CC2D2A: variants seen among roughly 807,000 people sequenced by gnomAD.
CC2D2A encodes the protein coiled-coil and C2 domain containing 2A.
CC2D2A carries 155 observed loss-of-function variants against 212.9 expected under a neutral mutation model. That is an observed-to-expected ratio of 0.73 (90% CI 0.64 to 0.83). The LOEUF (loss-of-function observed/expected upper bound fraction) is 0.83, where lower values mean the gene tolerates loss of function less well. Ranked by LOEUF, CC2D2A falls within the 40% of genes least tolerant of loss-of-function variation. The pLI, the probability that CC2D2A is intolerant of heterozygous loss-of-function variation, is 0.00. For synonymous variants in CC2D2A, 667 were observed against 686.5 expected (o/e 0.97, Z 0.44); for missense variants, 1,856 against 1,956.2 (o/e 0.95, Z 0.97).
chr4:15,588,154 C>T (rs547775140), intron 32 of CC2D2A, among the ~76,000 whole-genome samples: 4 of 152,124 alleles, frequency 2.6e-5, no homozygotes, highest in Non-Finnish European at 5.9e-5. Flanking sequence ...TTTTGGCAAA[C>T]CCGAACCCTT....
intron 16 of CC2D2A, among the ~76,000 whole-genome samples, chr4:15,538,984 A>C (rs1363719524): frequency 6.6e-6 from 1 of 152,082 alleles, no homozygotes; most frequent in East Asian, 1.9e-4. Context: ...GGATCGCTTG[A>C]GGCCAGGAGT....
rs148134130 is a variant in CC2D2A, at chr4:15,554,948, T to C, written c.2487-124T>C. 59 of 931,780 alleles carry C rather than the reference T, an allele frequency of 6.3e-5. No homozygotes were observed. The African/African-American group carries it at 8.9e-4, about 14-fold the overall frequency. 57.7% of individuals were successfully genotyped at this position (931,780 alleles called of 1,614,324 possible). On this transcript the variant is annotated intron_variant, in intron 19 of 36. Coordinates refer to ENST00000424120, the MANE Select transcript of CC2D2A (RefSeq NM_001378615.1). ...AGAAAAATGACAAAATCCTTCCTTA[T>C]GATAACATTTTCTCTCATGGAGGAT...
intron 27 of CC2D2A, 98 bp from the exon 28 acceptor site, chr4:15,570,300 A>C: frequency 1.4e-6 from 1 of 693,358 alleles, no homozygotes; most frequent in Non-Finnish European, 2.5e-6. Flanking sequence ...ATAAGTTCAT[A>C]TGCTTTCAGC....
rs1720843491 is a variant in CC2D2A at position 15,586,056 on chromosome 4, T to C, written c.3976-101T>C. On this transcript the variant is annotated intron_variant, in intron 30 of 36. Coordinates refer to ENST00000424120, the MANE Select transcript of CC2D2A (RefSeq NM_001378615.1). ...GTGAGCATTAGTTTCATTTTGTACA[T>C]GTAAATGTTTGTAATATTTGAGATT... is the stretch of plus-strand genomic sequence containing the variant. 1.8e-5 allele frequency: 14 copies of C among 773,952 alleles called. No homozygotes were observed. The South Asian group carries it at 2.1e-4, about 12-fold the overall frequency. 47.9% of individuals were successfully genotyped at this position (773,952 alleles called of 1,614,324 possible).
intron 17 of CC2D2A, among the ~76,000 whole-genome samples, chr4:15,549,843 T>C (rs890003338): frequency 5.9e-5 from 9 of 152,072 alleles, no homozygotes; most frequent in African/African-American, 1.7e-4. Context: ...TAAGGGAGGG[T>C]TGGCGGAAAG....
chr4:15,487,154 T>C (rs764096343), intron 4 of CC2D2A, among the ~76,000 whole-genome samples: 2 of 152,010 alleles, frequency 1.3e-5, no homozygotes, highest in African/African-American at 4.8e-5. Context: ...AATCTGTTAG[T>C]TTCATTTGTT....
rs1456067723 is a variant in CC2D2A at position 15,596,118 on chromosome 4, C to T, written c.4348C>T (p.Leu1450=). The T allele has an allele frequency of 1.9e-6, 3 of 1,549,488 alleles. No individual in the cohort carries two copies. Among genetic ancestry groups the T allele is most frequent in the African/African-American group, 1.4e-5 (1 of 73,080 alleles). ...WFNIQRYESP[L]RINFDVTRPK... Reference sequence around the variant, plus strand: ...TAATATTCAACGATATGAATCTCCACTAAGGATAAATTTTGATGTCACCAG... The same window carrying T: ...TAATATTCAACGATATGAATCTCCATTAAGGATAAATTTTGATGTCACCAG... The change falls in exon 34 of 37, where the codon CTA becomes TTA. Residue 1450 remains leucine (L), a synonymous_variant. Transcript: ENST00000424120.
intron 11 of CC2D2A, among the ~76,000 whole-genome samples, chr4:15,517,600 C>A (rs765802790): frequency 6.6e-6 from 1 of 152,174 alleles, no homozygotes; most frequent in Non-Finnish European, 1.5e-5. Context: ...GCCTCCCAGG[C>A]TTGCTGTGTA....
chr4:15,512,493 A>C (rs73235027), intron 8 of CC2D2A, among the ~76,000 whole-genome samples: 24,618 of 152,148 alleles, frequency 0.16, 2,272 homozygotes, highest in East Asian at 0.34. Context: ...TATGAGCTAC[A>C]TTGTATCATC....
intron 1 of CC2D2A, chr4:15,473,324 G>A (rs1005602146): frequency 6.6e-6 from 1 of 152,190 alleles, no homozygotes; most frequent in African/African-American, 2.4e-5. Context: ...GGGAATTCCA[G>A]GAGGGTGTTG....
chr4:15,502,403 G>A (rs757171575), intron 4 of CC2D2A, 26 bp from the exon 5 acceptor site: 2 of 1,481,726 alleles, frequency 1.3e-6, no homozygotes, highest in South Asian at 1.3e-5. Context: ...TTTTTATTTT[G>A]TTTTGTTTTT....
Position 15,598,836 on chromosome 4 carries a change from T to C in CC2D2A, c.4497-693T>C, listed in dbSNP as rs1253166119. Among the ~76,000 whole-genome samples the C allele has an allele frequency of 2.0e-5, 3 of 152,160 alleles. No individual in the cohort carries two copies. In the East Asian group the frequency reaches 5.8e-4, roughly 29 times the overall value. ...CTAATTCATCTGTCTGTATATATAC[T>C]ACCAATGAGTATAGTCATAACATTT... On this transcript the variant is annotated intron_variant, in intron 35 of 36. Transcript: ENST00000424120.
In CC2D2A at chr4:15,601,149, AC is replaced by A. The variant is rs748744648; in HGVS notation, c.4675-87del. 113,119 of 506,000 alleles carry A rather than the reference AC, an allele frequency of 0.22. 7,860 individuals carry two copies. Among genetic ancestry groups the A allele is most frequent in the Admixed American group, 0.29 (5,178 of 17,568 alleles). The allele number at this position is 506,000 out of a possible 1,614,324, so 31.3% of individuals were successfully genotyped here. On this transcript the variant is annotated intron_variant, in intron 36 of 36. Coordinates refer to ENST00000424120, the MANE Select transcript of CC2D2A (RefSeq NM_001378615.1). ...CAAGCAAATAACTGAGATCCAGAAC[AC>A]TTATCTTAATTGCATACATTTACGT...
At chr4:15,546,095 G>A (rs1219506661) in intron 17 of CC2D2A, among the ~76,000 whole-genome samples, 1 of 151,922 alleles carries the variant, frequency 6.6e-6, no homozygotes, top group Non-Finnish European at 1.5e-5. Context: ...GGGAGACAGG[G>A]TGAGACCCTG....
chr4:15,502,403 G>GTTTTGT (rs1577329643), intron 4 of CC2D2A, 26 bp from the exon 5 acceptor site: 7 of 1,481,728 alleles, frequency 4.7e-6, no homozygotes, highest in South Asian at 2.7e-5. Flanking sequence ...TTTTTATTTT[G>GTTTTGT]TTTTGTTTTT....
chr4:15,525,723 T>A (rs974984760), intron 11 of CC2D2A, among the ~76,000 whole-genome samples: 1 of 152,146 alleles, frequency 6.6e-6, no homozygotes, highest in East Asian at 1.9e-4. Context: ...TCATAATAGT[T>A]CTCGATATAT....
intron 18 of CC2D2A, among the ~76,000 whole-genome samples, chr4:15,552,795 A>C (rs1056355399): frequency 6.6e-6 from 1 of 152,246 alleles, no homozygotes; most frequent in Non-Finnish European, 1.5e-5. Flanking sequence ...TGAATGACTA[A>C]GTAAATAAAT....
At chr4:15,529,812 G>A (rs971498760) in intron 13 of CC2D2A, among the ~76,000 whole-genome samples, 9 of 146,518 alleles carry the variant, frequency 6.1e-5, no homozygotes, top group African/African-American at 2.2e-4. Context: ...ATAATAAATC[G>A]AGGCTTTTTT....
At chr4:15,507,540 A>T (rs188509247) in intron 6 of CC2D2A, among the ~76,000 whole-genome samples, 9 of 152,194 alleles carry the variant, frequency 5.9e-5, no homozygotes, top group African/African-American at 2.2e-4. Flanking sequence ...AGCACCAACT[A>T]TGTAGAGGCC....
Sources: gnomAD v4.1 joint callset for allele counts (sites outside exome capture counted in the v4.1 genomes callset) on GRCh38, gnomAD v4.1.1 for gene constraint, MANE v1.5 for transcripts, NCBI Gene and HGNC (gene_info 2026-07-23, HGNC 2026-07-21) for gene names.